HFM1: variants seen among roughly 807,000 people sequenced by gnomAD.
The protein encoded by HFM1 is probable ATP-dependent DNA helicase HFM1.
Under a neutral mutation model 192.1 loss-of-function variants are expected in HFM1, and 169 were observed. That is an observed-to-expected ratio of 0.88 (90% CI 0.78 to 1.00). The LOEUF (loss-of-function observed/expected upper bound fraction) is 1.00, where lower values mean the gene tolerates loss of function less well. HFM1 is among the 50% of genes least tolerant of loss of function. The probability of loss-of-function intolerance (pLI) is 0.00; values close to 1 mark genes in which losing one functional copy is unlikely to be tolerated. For missense variants in HFM1, 1,661 were observed against 1,668.0 expected (o/e 1.00, Z 0.07); for synonymous variants, 525 against 537.8 (o/e 0.98, Z 0.33).
At chr1:91,402,856 A>G (rs151054153) in intron 1 of HFM1, among the ~76,000 whole-genome samples, 87 of 152,274 alleles carry the variant, frequency 5.7e-4, no homozygotes, top group African/African-American at 1.9e-3. Flanking sequence ...TTCCTAAAGC[A>G]ACTACAAATA....
intron 1 of HFM1, among the ~76,000 whole-genome samples, chr1:91,401,807 TA>T (rs1338924310): frequency 1.3e-5 from 2 of 152,138 alleles, no homozygotes; most frequent in Non-Finnish European, 2.9e-5. Context: ...TTTTAAAAGA[TA>T]ATTTTTGCAC....
chr1:91,353,716 A>G (rs1475153433), intron 13 of HFM1, among the ~76,000 whole-genome samples: 1 of 150,808 alleles, frequency 6.6e-6, no homozygotes, highest in East Asian at 1.9e-4. Context: ...GAGACATGGC[A>G]TTTAAAAAAA....
intron 13 of HFM1, among the ~76,000 whole-genome samples, chr1:91,362,962 C>T (rs1249056245): frequency 2.6e-5 from 4 of 152,108 alleles, no homozygotes; most frequent in Non-Finnish European, 4.4e-5. Flanking sequence ...GCTGGGAGAG[C>T]TGGCTAGCCA....
intron 21 of HFM1, among the ~76,000 whole-genome samples, chr1:91,324,045 G>A (rs1652524674): frequency 1.3e-5 from 2 of 152,036 alleles, no homozygotes; most frequent in Non-Finnish European, 2.9e-5. Flanking sequence ...CTGAGTAAAG[G>A]GAGAAAGGAC....
At chr1:91,390,265 G>C (rs745846619) in intron 4 of HFM1, among the ~76,000 whole-genome samples, 2 of 151,942 alleles carry the variant, frequency 1.3e-5, no homozygotes, top group African/African-American at 4.8e-5. Context: ...GTGAAATTCC[G>C]TCTCTACTAA....
chr1:91,358,170 A>G (rs903242515), intron 13 of HFM1, among the ~76,000 whole-genome samples: 20 of 152,166 alleles, frequency 1.3e-4, no homozygotes, highest in African/African-American at 4.8e-4. Context: ...TAACATGGTG[A>G]AACCCCATCT....
intron 30 of HFM1, among the ~76,000 whole-genome samples, chr1:91,297,844 AAC>A (rs1419057198): frequency 6.6e-6 from 1 of 152,180 alleles, no homozygotes; most frequent in Non-Finnish European, 1.5e-5. Context: ...ATGGGGAAAA[AAC>A]AGAGCAGAAA....
At chr1:91,291,119 C>T (rs1668693638) in intron 30 of HFM1, among the ~76,000 whole-genome samples, 1 of 152,088 alleles carries the variant, frequency 6.6e-6, no homozygotes, top group South Asian at 2.1e-4. Flanking sequence ...AAAATTGACA[C>T]CCTAACATCA....
At chr1:91,271,240 G>A (rs748590935) in intron 34 of HFM1, among the ~76,000 whole-genome samples, 29 of 152,062 alleles carry the variant, frequency 1.9e-4, no homozygotes, top group Non-Finnish European at 3.8e-4. Flanking sequence ...CCACTGAGGC[G>A]CTAAACTGGT....
intron 6 of HFM1, among the ~76,000 whole-genome samples, chr1:91,382,532 C>G (rs1661674502): frequency 6.6e-6 from 1 of 152,114 alleles, no homozygotes; most frequent in Non-Finnish European, 1.5e-5. Flanking sequence ...TTTATAAATC[C>G]TCATTTTACT....
At chr1:91,297,253 C>T (rs1012686380) in intron 30 of HFM1, among the ~76,000 whole-genome samples, 22 of 152,162 alleles carry the variant, frequency 1.4e-4, no homozygotes, top group Non-Finnish European at 2.8e-4. Context: ...GAGGGGCACC[C>T]GCCATTGCCG....
At chr1:91,269,604 T>C (rs1223758046) in intron 34 of HFM1, among the ~76,000 whole-genome samples, 1 of 152,266 alleles carries the variant, frequency 6.6e-6, no homozygotes. Flanking sequence ...ACAATGTATA[T>C]ATGTACTAAA....
intron 11 of HFM1, 106 bp from the exon 12 acceptor site, chr1:91,375,833 TA>T: frequency 1.3e-6 from 1 of 794,308 alleles, no homozygotes; most frequent in Non-Finnish European, 2.1e-6. Context: ...TAAAAGTATT[TA>T]ATCAAGTATG....
In HFM1 at chr1:91,319,064, TA is replaced by T; in HGVS notation, c.2812+13del. The T allele has an allele frequency of 1.9e-6, 3 of 1,571,076 alleles. No homozygotes were observed. Among genetic ancestry groups the T allele is most frequent in the Non-Finnish European group, 2.6e-6 (3 of 1,166,854 alleles). Reference sequence around the variant, plus strand: ...CAGACATGGCCAAACTGCCTGCCTGTATTCAGTACCTACCAATTTTTTCCAG... The same window carrying T: ...CAGACATGGCCAAACTGCCTGCCTGTTTCAGTACCTACCAATTTTTTCCAG... On this transcript the variant is annotated intron_variant, in intron 25 of 38. Transcript: ENST00000370425.
In HFM1 at chr1:91,313,504, T is replaced by TG; in HGVS notation, c.3245-10dup. On this transcript the variant is annotated splice_polypyrimidine_tract_variant and intron_variant, in intron 29 of 38. Coordinates refer to ENST00000370425, the MANE Select transcript of HFM1 (RefSeq NM_001017975.6). The stretch of plus-strand genomic sequence containing the variant: ...CTGAATATCAAGCCCAACTGGAAAA[T>TG]GAAAAAAAAGTACACAAATGTTTAT... 1.3e-6 allele frequency: 2 copies of TG among 1,550,248 alleles called. No individual in the cohort carries two copies. Among genetic ancestry groups the TG allele is most frequent in the Non-Finnish European group, 1.7e-6 (2 of 1,150,182 alleles).
chr1:91,324,993 A>C (rs1177316471), intron 20 of HFM1, among the ~76,000 whole-genome samples: 1 of 152,180 alleles, frequency 6.6e-6, no homozygotes, highest in Non-Finnish European at 1.5e-5. Context: ...AGAATCAAAA[A>C]TCAGGTACCA....
chr1:91,364,271 A>T (rs1367377090), intron 13 of HFM1, among the ~76,000 whole-genome samples: 1 of 152,096 alleles, frequency 6.6e-6, no homozygotes, highest in Admixed American at 6.6e-5. Flanking sequence ...TGTAAATTAA[A>T]ACCACTATAT....
chr1:91,397,464 C>A (rs931835693), intron 2 of HFM1, among the ~76,000 whole-genome samples: 5 of 152,274 alleles, frequency 3.3e-5, no homozygotes, highest in Non-Finnish European at 7.4e-5. Flanking sequence ...TTTGTCTATA[C>A]CAAGTCCCAA....
intron 30 of HFM1, among the ~76,000 whole-genome samples, chr1:91,286,904 G>T (rs1308023996): frequency 6.6e-6 from 1 of 152,176 alleles, no homozygotes; most frequent in Non-Finnish European, 1.5e-5. Context: ...GTGACAGACG[G>T]CACCTGGAAA....
Sources: gnomAD v4.1 joint callset for allele counts (sites outside exome capture counted in the v4.1 genomes callset) on GRCh38, gnomAD v4.1.1 for gene constraint, MANE v1.5 for transcripts, NCBI Gene and HGNC (gene_info 2026-07-23, HGNC 2026-07-21) for gene names.